The following KIF26B variants were observed in gnomAD, a reference collection of about 807,000 sequenced individuals.
The protein encoded by KIF26B is kinesin family member 26B, also known as kinesin-like protein KIF26B.
A neutral mutation model predicts 151.2 loss-of-function variants in KIF26B; 63 were observed. That is an observed-to-expected ratio of 0.42 (90% CI 0.34 to 0.51). The LOEUF (loss-of-function observed/expected upper bound fraction) is 0.51. Ranked by LOEUF, KIF26B falls within the 20% of genes least tolerant of loss-of-function variation. The pLI is 0.07. For missense variants in KIF26B, 2,813 were observed against 2,913.6 expected, an observed-to-expected ratio of 0.97 and a Z score of 0.79; for synonymous variants, 1,357 against 1,262.1, an observed-to-expected ratio of 1.08 and a Z score of -1.59.
chr1:245,354,561 G>A (rs1215843482), intron 2 of KIF26B, among the ~76,000 whole-genome samples: 2 of 152,236 alleles, frequency 1.3e-5, no homozygotes, highest in Non-Finnish European at 1.5e-5. Context: ...CAGATGGCGG[G>A]GGAGTTGGAG....
intron 5 of KIF26B, among the ~76,000 whole-genome samples, chr1:245,582,453 G>C (rs1249354117): frequency 6.6e-6 from 1 of 152,004 alleles, no homozygotes; most frequent in Non-Finnish European, 1.5e-5. Flanking sequence ...CTTAATCATA[G>C]CCTGTGCTTT....
intron 9 of KIF26B, among the ~76,000 whole-genome samples, chr1:245,645,590 C>T (rs1165130960): frequency 6.6e-6 from 1 of 152,182 alleles, no homozygotes; most frequent in Non-Finnish European, 1.5e-5. Context: ...TTGGCAGATA[C>T]TCAGCAAATA....
intron 2 of KIF26B, among the ~76,000 whole-genome samples, chr1:245,361,655 G>T (rs919519727): frequency 6.6e-6 from 1 of 152,152 alleles, no homozygotes; most frequent in Non-Finnish European, 1.5e-5. Flanking sequence ...TCAAGCAGGG[G>T]TGCAGGGGTG....
chr1:245,184,047 G>GTTTTTTTTTTTTTTTTTTTTTTTTTTTTT lies in KIF26B; in HGVS notation c.465+27366_465+27367insTTTTTTTTTTTTTTTTTTTTTTTTTTTTT, dbSNP rs1469137088. 7.0e-3 allele frequency among the ~76,000 whole-genome samples: 65 copies of GTTTTTTTTTTTTTTTTTTTTTTTTTTTTT among 9,244 alleles called. 9 individuals are homozygous for GTTTTTTTTTTTTTTTTTTTTTTTTTTTTT. Among genetic ancestry groups the GTTTTTTTTTTTTTTTTTTTTTTTTTTTTT allele is most frequent in the East Asian group, 8.7e-3 (3 of 344 alleles). The allele number at this position is 9,244 out of a possible 152,430, so 6.1% of individuals were successfully genotyped here. On this transcript the variant is annotated intron_variant, in intron 2 of 14. Transcript: ENST00000407071. ...CCTGCAACAGGTATGGGTGGGAGTTGTTGTTTTTTTTTTTTTTTTTTTGAG... is the reference window on the plus strand; with the variant it reads ...CCTGCAACAGGTATGGGTGGGAGTTGTTTTTTTTTTTTTTTTTTTTTTTTTTTTTTTGTTTTTTTTTTTTTTTTTTTGAG...
Position 245,155,242 on chromosome 1 carries a change from CA to C in KIF26B, c.-180del. The C allele has an allele frequency of 3.2e-6, 2 of 629,702 alleles. No individual in the cohort carries two copies. Among genetic ancestry groups the C allele is most frequent in the Non-Finnish European group, 5.6e-6 (2 of 356,524 alleles). 39.0% of individuals were successfully genotyped at this position (629,702 alleles called of 1,614,324 possible). On this transcript the variant is annotated 5_prime_UTR_variant, in exon 1 of 15. Transcript: ENST00000407071. ...AAACCAGCGACCCCAACCCTTTCTG[CA>C]AATTGGTGCTATTACTTGTGGGATC...
chr1:245,587,995 T>C (rs1267832622), intron 5 of KIF26B, among the ~76,000 whole-genome samples: 2 of 152,240 alleles, frequency 1.3e-5, no homozygotes, highest in Non-Finnish European at 2.9e-5. Flanking sequence ...AGTTCTCAAA[T>C]GCAGGAGTCT....
intron 5 of KIF26B, among the ~76,000 whole-genome samples, chr1:245,587,119 G>GC (rs552297646): frequency 2.0e-5 from 3 of 152,136 alleles, no homozygotes; most frequent in Admixed American, 6.5e-5. Context: ...CGGTCAGCCT[G>GC]CCCCCCTGCA....
Position 245,215,666 on chromosome 1 carries a change from C to T in KIF26B, c.465+58983C>T, listed in dbSNP as rs1669629150. Among the ~76,000 whole-genome samples, 5 of 152,326 alleles carry T rather than the reference C, an allele frequency of 3.3e-5. No homozygotes were observed. The South Asian group carries it at 1.0e-3, about 32-fold the overall frequency. ...AAAATGGAATCGAAGCTGGTCTCTGCTCCTGAGAGGCTTACAGCCCCTTTT... is the reference window on the plus strand; with the variant it reads ...AAAATGGAATCGAAGCTGGTCTCTGTTCCTGAGAGGCTTACAGCCCCTTTT... On this transcript the variant is annotated intron_variant, in intron 2 of 14. Coordinates refer to ENST00000407071, the MANE Select transcript of KIF26B (RefSeq NM_018012.4).
At chr1:245,187,046 A>G (rs1323119428) in intron 2 of KIF26B, among the ~76,000 whole-genome samples, 2 of 152,044 alleles carry the variant, frequency 1.3e-5, no homozygotes, top group Admixed American at 6.6e-5. Context: ...TAGTAGAGAC[A>G]GGGTTTCACC....
At chr1:245,651,070 C>A (rs1467582323) in intron 10 of KIF26B, among the ~76,000 whole-genome samples, 3 of 152,196 alleles carry the variant, frequency 2.0e-5, no homozygotes, top group Non-Finnish European at 4.4e-5. Flanking sequence ...CGAGCAAACA[C>A]CGCAGGCAAC....
chr1:245,324,652 T>C (rs1671950495), intron 2 of KIF26B, among the ~76,000 whole-genome samples: 1 of 152,166 alleles, frequency 6.6e-6, no homozygotes, highest in Non-Finnish European at 1.5e-5. Context: ...TCCCTCCTGC[T>C]TTGGGGCCCT....
intron 4 of KIF26B, among the ~76,000 whole-genome samples, chr1:245,486,088 A>C (rs1660274508): frequency 6.6e-6 from 1 of 152,236 alleles, no homozygotes; most frequent in African/African-American, 2.4e-5. Flanking sequence ...TCCTGATTAC[A>C]AATAGAAAAC....
chr1:245,473,207 A>G (rs551555038), intron 4 of KIF26B, among the ~76,000 whole-genome samples: 95 of 152,258 alleles, frequency 6.2e-4, no homozygotes, highest in Non-Finnish European at 1.0e-3. Flanking sequence ...GACTTGCTCA[A>G]TAAAGACCCT....
chr1:245,246,796 G>A (rs1162703006), intron 2 of KIF26B, among the ~76,000 whole-genome samples: 1 of 151,992 alleles, frequency 6.6e-6, no homozygotes, highest in Non-Finnish European at 1.5e-5. Context: ...ATGCAGAGCT[G>A]TGTACTGGGT....
chr1:245,484,767 A>ATATTATTATTAT (rs771748723), intron 4 of KIF26B, among the ~76,000 whole-genome samples: 10,838 of 134,116 alleles, frequency 0.081, 471 homozygotes, highest in Admixed American at 0.15. Context: ...CTTCTTCTTC[A>ATATTATTATTAT]TATTATTATT....
chr1:245,509,348 G>A (rs1335849861), intron 4 of KIF26B, among the ~76,000 whole-genome samples: 1 of 152,178 alleles, frequency 6.6e-6, no homozygotes, highest in African/African-American at 2.4e-5. Context: ...AAGTTTCCAA[G>A]AGGATGAGAC....
intron 2 of KIF26B, among the ~76,000 whole-genome samples, chr1:245,260,220 A>C (rs905779326): frequency 6.6e-6 from 1 of 152,132 alleles, no homozygotes; most frequent in Non-Finnish European, 1.5e-5. Flanking sequence ...GCTTCGGTAG[A>C]AGCGTGGCCT....
intron 10 of KIF26B, among the ~76,000 whole-genome samples, chr1:245,676,837 ACTG>A (rs1272237544): frequency 6.6e-6 from 1 of 152,178 alleles, no homozygotes; most frequent in Non-Finnish European, 1.5e-5. Flanking sequence ...CCTGGAAACA[ACTG>A]CTGCTTCACC....
At chr1:245,467,976 T>C (rs1452990092) in intron 4 of KIF26B, among the ~76,000 whole-genome samples, 1 of 151,156 alleles carries the variant, frequency 6.6e-6, no homozygotes, top group East Asian at 2.0e-4. Flanking sequence ...GTGTTAGATC[T>C]AGGCCCTTTG....
Sources: gnomAD v4.1 joint callset for allele counts (sites outside exome capture counted in the v4.1 genomes callset) on GRCh38, gnomAD v4.1.1 for gene constraint, MANE v1.5 for transcripts, NCBI Gene and HGNC (gene_info 2026-07-23, HGNC 2026-07-21) for gene names.